SPEF2: variants seen among roughly 807,000 people sequenced by gnomAD.
SPEF2 encodes the protein sperm flagellar and cilia associated 2, also known as sperm flagella and cilia-associated protein 2.
Under a neutral mutation model 224.6 loss-of-function variants are expected in SPEF2, and 187 were observed. That is an observed-to-expected ratio of 0.83 (90% CI 0.74 to 0.94). The LOEUF (loss-of-function observed/expected upper bound fraction) is 0.94. Among genes scored for constraint, SPEF2 ranks in the 40% least tolerant of loss-of-function variants. The pLI, the probability that SPEF2 is intolerant of heterozygous loss-of-function variation, is 0.00. For synonymous variants in SPEF2, 715 were observed against 707.3 expected (o/e 1.01, Z -0.17); for missense variants, 2,170 against 2,135.6 (o/e 1.02, Z -0.32).
Position 35,753,667 on chromosome 5 carries a change from A to G in SPEF2, c.3374A>G (p.Glu1125Gly), listed in dbSNP as rs1476880366. The G allele has an allele frequency of 1.2e-6, 2 of 1,614,154 alleles. No individual in the cohort carries two copies. The highest frequency in any genetic ancestry group is 1.7e-6 in the Non-Finnish European group (2 of 1,180,014). Reference protein sequence around the residue: ...RLWDICDARKEEAEQERLDII... With the variant: ...RLWDICDARKGEAEQERLDII... ...TGGGACATTTGTGATGCCCGGAAGG[A>G]AGAGGCGGAGCAGGAGCGGCTTGAC... The change falls in exon 24 of 37, where the codon GAA becomes GGA. Residue 1125 changes from glutamate (E) to glycine (G), a missense_variant. Glu to Gly is a moderately conservative substitution (Grantham distance 98). Coordinates refer to ENST00000356031, the MANE Select transcript of SPEF2 (RefSeq NM_024867.4).
At chr5:35,748,375 C>T (rs1169328536) in intron 23 of SPEF2, among the ~76,000 whole-genome samples, 1 of 151,784 alleles carries the variant, frequency 6.6e-6, no homozygotes, top group Non-Finnish European at 1.5e-5. Context: ...ATACAAAAGA[C>T]AAATGAATCA....
intron 6 of SPEF2, among the ~76,000 whole-genome samples, chr5:35,650,786 T>C (rs1214366247): frequency 6.6e-6 from 1 of 152,200 alleles, no homozygotes; most frequent in Non-Finnish European, 1.5e-5. Context: ...CTGCTCCCTA[T>C]TGCCTTTGCC....
chr5:35,644,352 TAGAGA>T lies in SPEF2; in HGVS notation c.415-2_417del. The T allele has an allele frequency of 6.7e-7, 1 of 1,499,056 alleles. No homozygotes were observed. Among genetic ancestry groups the T allele is most frequent in the African/African-American group, 1.4e-5 (1 of 70,924 alleles). The allele number at this position is 1,499,056 out of a possible 1,614,324, so 92.9% of individuals were successfully genotyped here. Reference sequence around the variant, plus strand: ...AATCTTTTGAAATGCTTTTTTCATTTAGAGACTTAGACACATGATACCACGTCAAA... The same window carrying T: ...AATCTTTTGAAATGCTTTTTTCATTTCTTAGACACATGATACCACGTCAAA... On this transcript the variant is annotated splice_acceptor_variant and coding_sequence_variant, in exon 4 of 37. Coordinates refer to ENST00000356031, the MANE Select transcript of SPEF2 (RefSeq NM_024867.4). LOFTEE classifies it high-confidence loss of function.
At chr5:35,777,439 G>A (rs1753750029) in intron 29 of SPEF2, among the ~76,000 whole-genome samples, 1 of 152,054 alleles carries the variant, frequency 6.6e-6, no homozygotes, top group South Asian at 2.1e-4. Flanking sequence ...GCATCACACA[G>A]TAATAATATT....
At position 35,647,588 on chromosome 5, in the gene SPEF2, G is replaced by A. The variant is rs563260270; in HGVS notation, c.726+781G>A. Among the ~76,000 whole-genome samples the A allele has an allele frequency of 5.9e-5, 9 of 152,190 alleles. No homozygotes were observed. The South Asian group carries it at 6.2e-4, about 11-fold the overall frequency. On this transcript the variant is annotated intron_variant, in intron 5 of 36. Coordinates refer to ENST00000356031, the MANE Select transcript of SPEF2 (RefSeq NM_024867.4). ...CACCGCCATGACCCGGACACCTCCC[G>A]TTAGGTTCCACCTTCAACACTGGGA...
chr5:35,771,940 C>T (rs1360985530), intron 27 of SPEF2, among the ~76,000 whole-genome samples, 184 bp downstream of exon 27: 1 of 150,538 alleles, frequency 6.6e-6, no homozygotes, highest in African/African-American at 2.5e-5. Context: ...ATACCAAGCC[C>T]ACCTAACTTG....
intron 14 of SPEF2, among the ~76,000 whole-genome samples, chr5:35,696,650 A>G (rs1417423953): frequency 6.6e-6 from 1 of 152,190 alleles, no homozygotes; most frequent in East Asian, 1.9e-4. Context: ...TCCTGCCCTT[A>G]TGGTGTTTAC....
chr5:35,670,680 A>T, intron 10 of SPEF2: 10 of 985,736 alleles, frequency 1.0e-5, no homozygotes, highest in Non-Finnish European at 1.2e-5. Context: ...ACAATCTTTT[A>T]TTCAAAGATT....
At chr5:35,747,598 T>A (rs1014282694) in intron 23 of SPEF2, among the ~76,000 whole-genome samples, 1 of 152,204 alleles carries the variant, frequency 6.6e-6, no homozygotes, top group Non-Finnish European at 1.5e-5. Context: ...AGGGACATTA[T>A]ATAACGGTAA....
chr5:35,786,947 A>T (rs367984374), intron 30 of SPEF2, among the ~76,000 whole-genome samples: 1 of 152,228 alleles, frequency 6.6e-6, no homozygotes, highest in Non-Finnish European at 1.5e-5. Context: ...TAATAAACAC[A>T]TATATTCAAT....
chr5:35,731,001 A>G (rs1475338723), intron 21 of SPEF2, among the ~76,000 whole-genome samples: 1 of 152,212 alleles, frequency 6.6e-6, no homozygotes, highest in Non-Finnish European at 1.5e-5. Context: ...ATAGGAATTT[A>G]GTGAGTGTCT....
chr5:35,677,932 C>T (rs1561181666), intron 10 of SPEF2, among the ~76,000 whole-genome samples: 1 of 152,170 alleles, frequency 6.6e-6, no homozygotes, highest in Non-Finnish European at 1.5e-5. Flanking sequence ...CCTGTCACTG[C>T]TGAGCTTTCT....
At position 35,763,674 on chromosome 5, in the gene SPEF2, A is replaced by G. The variant is rs1416589047; in HGVS notation, c.3773A>G (p.Gln1258Arg). The G allele has an allele frequency of 1.2e-6, 2 of 1,612,584 alleles. No individual in the cohort carries two copies. Among genetic ancestry groups the G allele is most frequent in the Non-Finnish European group, 1.7e-6 (2 of 1,179,606 alleles). Residue 1258 changes from glutamine (Q) to arginine (R), a missense_variant, in exon 26 of 37, where the codon CAG becomes CGG. Transcript: ENST00000356031. Reference protein sequence around the residue: ...ADEKLVMDTWQQASLAVSHMV... With the variant: ...ADEKLVMDTWRQASLAVSHMV... ...GAAAAGTTGGTCATGGACACCTGGC[A>G]GCAGGCTTCTTTAGCAGTATCTCAC...
intron 15 of SPEF2, chr5:35,699,833 A>G (rs1051596002): frequency 6.6e-6 from 1 of 152,368 alleles, no homozygotes; most frequent in Admixed American, 6.5e-5. Flanking sequence ...TTTGAAGTAA[A>G]TGGTTCAAAA....
At chr5:35,692,921 T>G (rs866675827) in intron 12 of SPEF2, among the ~76,000 whole-genome samples, 197 bp downstream of exon 12, 1 of 152,080 alleles carries the variant, frequency 6.6e-6, no homozygotes, top group African/African-American at 2.4e-5. Context: ...AGAGGTAAAA[T>G]CGAGGATATT....
intron 1 of SPEF2, among the ~76,000 whole-genome samples, chr5:35,619,588 A>G (rs1329498634): frequency 3.9e-5 from 6 of 151,984 alleles, no homozygotes; most frequent in Non-Finnish European, 7.4e-5. Flanking sequence ...GAGGCAGGAG[A>G]ATCGCTTGAA....
intron 10 of SPEF2, among the ~76,000 whole-genome samples, chr5:35,682,403 G>GTT (rs1477272114): frequency 1.3e-5 from 2 of 150,500 alleles, no homozygotes; most frequent in Admixed American, 1.3e-4. Context: ...CAAAAACAGT[G>GTT]TAAGTGTTGT....
At chr5:35,650,902 G>GT (rs201923439) in intron 6 of SPEF2, among the ~76,000 whole-genome samples, 2,074 of 152,326 alleles carry the variant, frequency 0.014, 30 homozygotes, top group South Asian at 0.054. Flanking sequence ...ATAGAAATCA[G>GT]AAGGTAAGCA....
At chr5:35,710,558 A>T in intron 19 of SPEF2, 1 of 977,914 alleles carries the variant, frequency 1.0e-6, no homozygotes, top group Non-Finnish European at 1.2e-6. Context: ...CTCTACCTCC[A>T]AAAAAAAGAA....
Sources: allele counts gnomAD v4.1 joint callset (sites outside exome capture counted in the v4.1 genomes callset), GRCh38; gene constraint gnomAD v4.1.1; transcripts MANE v1.5; gene names NCBI Gene and HGNC (gene_info 2026-07-23, HGNC 2026-07-21).